FOXP1: variants seen among roughly 807,000 people sequenced by gnomAD.
FOXP1 encodes the protein forkhead box P1, also known as forkhead box protein P1.
FOXP1 carries 15 observed loss-of-function variants against 98.2 expected under a neutral mutation model. That is an observed-to-expected ratio of 0.15 (90% confidence interval 0.10 to 0.24). The LOEUF (loss-of-function observed/expected upper bound fraction) is 0.24, where lower values mean the gene tolerates loss of function less well. Ranked by LOEUF, FOXP1 falls within the 10% of genes least tolerant of loss-of-function variation. The pLI, the probability that FOXP1 is intolerant of heterozygous loss-of-function variation, is 1.00. For synonymous variants in FOXP1, 371 were observed against 314.5 expected (o/e 1.18, Z -1.90); for missense variants, 633 against 848.5 (o/e 0.75, Z 3.15).
chr3:71,261,100 T>C (rs971984126), intron 5 of FOXP1, among the ~76,000 whole-genome samples: 4 of 152,308 alleles, frequency 2.6e-5, no homozygotes, highest in African/African-American at 9.6e-5. Flanking sequence ...GAGCCCCCGA[T>C]AATATAGTTC....
At chr3:71,191,172 G>A (rs918658916) in intron 6 of FOXP1, among the ~76,000 whole-genome samples, 3 of 152,290 alleles carry the variant, frequency 2.0e-5, no homozygotes, top group South Asian at 4.1e-4. Context: ...GTTGATAAAC[G>A]CAAGCCATTG....
At chr3:71,103,182 T>C (rs1325358336) in intron 7 of FOXP1, among the ~76,000 whole-genome samples, 6 of 152,078 alleles carry the variant, frequency 3.9e-5, no homozygotes, top group African/African-American at 1.4e-4. Flanking sequence ...TGAGTAAAGT[T>C]TGAATGAATG....
intron 10 of FOXP1, among the ~76,000 whole-genome samples, chr3:71,044,082 T>C (rs2048707367): frequency 6.6e-6 from 1 of 152,218 alleles, no homozygotes; most frequent in African/African-American, 2.4e-5. Flanking sequence ...CATATATCGT[T>C]AGTGATGTTA....
At chr3:71,502,010 G>C (rs2041414964) in intron 2 of FOXP1, among the ~76,000 whole-genome samples, 1 of 152,224 alleles carries the variant, frequency 6.6e-6, no homozygotes, top group Non-Finnish European at 1.5e-5. Flanking sequence ...AAGGTTGGGA[G>C]GCGTGACGCT....
rs575705461 is a variant in FOXP1 at position 71,381,351 on chromosome 3, C to T, written c.-167-22107G>A. ...ATTTTTAGTAGAGACGGGGTTTTAT[C>T]GTGGTCTCGATCTCCTGACCTCGTG... On this transcript the variant is annotated intron_variant, in intron 3 of 20. Coordinates refer to ENST00000649528, the MANE Select transcript of FOXP1 (RefSeq NM_001349338.3). Among the ~76,000 whole-genome samples, 57 of 151,178 alleles carry T rather than the reference C, an allele frequency of 3.8e-4. 1 individual carries two copies. The highest frequency in any genetic ancestry group is 4.4e-4 in the Non-Finnish European group (30 of 67,802).
chr3:71,024,391 C>T (rs1576249112), intron 11 of FOXP1, among the ~76,000 whole-genome samples: 1 of 152,238 alleles, frequency 6.6e-6, no homozygotes, highest in East Asian at 1.9e-4. Flanking sequence ...AAAACACCAC[C>T]CTACATGTTT....
chr3:71,469,103 C>A (rs1040777334), intron 3 of FOXP1, among the ~76,000 whole-genome samples: 1 of 152,150 alleles, frequency 6.6e-6, no homozygotes, highest in Non-Finnish European at 1.5e-5. Context: ...CACATTTAGA[C>A]TGACTAAGAA....
At chr3:71,392,263 T>G (rs1370640247) in intron 3 of FOXP1, among the ~76,000 whole-genome samples, 3 of 152,178 alleles carry the variant, frequency 2.0e-5, no homozygotes, top group Non-Finnish European at 4.4e-5. Flanking sequence ...TTATTAAACC[T>G]AAGGGTGAAA....
At chr3:71,559,222 G>A (rs2046366543) in intron 2 of FOXP1, among the ~76,000 whole-genome samples, 1 of 152,156 alleles carries the variant, frequency 6.6e-6, no homozygotes, top group African/African-American at 2.4e-5. Flanking sequence ...CTATGCCCCA[G>A]GGCTACCCCC....
In FOXP1 at chr3:71,015,587, G is replaced by A. The variant is rs61753356; in HGVS notation, c.936C>T (p.Gly312=). Residue 312 remains glycine (G), a synonymous_variant, in exon 12 of 21, where the codon GGC becomes GGT. Transcript: ENST00000649528. The stretch of plus-strand genomic sequence containing the variant: ...GGAAATCTTCGCACACTGCTTCACA[G>A]CCTGGCCACTTGCATACACCATGTC... The part of the protein sequence containing the change: ...LYGHGVCKWP[G]CEAVCEDFQS... The A allele has an allele frequency of 2.4e-4, 383 of 1,613,012 alleles. No homozygotes were observed. Among genetic ancestry groups the A allele is most frequent in the Non-Finnish European group, 3.1e-4 (367 of 1,179,260 alleles).
At chr3:71,431,593 G>T (rs942489080) in intron 3 of FOXP1, among the ~76,000 whole-genome samples, 2 of 152,122 alleles carry the variant, frequency 1.3e-5, no homozygotes, top group African/African-American at 2.4e-5. Flanking sequence ...TCAAACCCTG[G>T]TCCATCTGGT....
At chr3:71,581,740 C>T (rs2048185429) in intron 1 of FOXP1, 43 bp from the exon 2 acceptor site, 1 of 985,756 alleles carries the variant, frequency 1.0e-6, no homozygotes, top group Non-Finnish European at 1.2e-6. Flanking sequence ...GCAAGTCTTC[C>T]CCGTGCAGGC....
intron 4 of FOXP1, chr3:71,333,450 C>T (rs2076470225): frequency 6.6e-6 from 1 of 152,158 alleles, no homozygotes; most frequent in South Asian, 2.1e-4. Flanking sequence ...ATTTATCAGA[C>T]ATGTCATTAC....
intron 2 of FOXP1, among the ~76,000 whole-genome samples, chr3:71,521,697 T>C (rs1308588330): frequency 6.6e-6 from 1 of 152,188 alleles, no homozygotes; most frequent in Non-Finnish European, 1.5e-5. Flanking sequence ...CACTTAATAA[T>C]CAAGATTAAG....
At chr3:71,578,452 C>G (rs1298471011) in intron 2 of FOXP1, among the ~76,000 whole-genome samples, 1 of 152,202 alleles carries the variant, frequency 6.6e-6, no homozygotes, top group Non-Finnish European at 1.5e-5. Flanking sequence ...GGCATTCCCA[C>G]TGAAATGTGA....
chr3:71,112,505 A>AG, intron 7 of FOXP1, 31 bp downstream of exon 7: 1 of 1,506,520 alleles, frequency 6.6e-7, no homozygotes, highest in South Asian at 1.1e-5. Flanking sequence ...AAAGGGTATA[A>AG]TGTCAATTTA....
chr3:70,975,324 C>T (rs2037270709), intron 17 of FOXP1, among the ~76,000 whole-genome samples: 1 of 152,146 alleles, frequency 6.6e-6, no homozygotes, highest in Non-Finnish European at 1.5e-5. Context: ...TCTTCCAAGG[C>T]AGGCTGAGGC....
chr3:71,287,010 T>C (rs555292122), intron 5 of FOXP1, among the ~76,000 whole-genome samples: 2 of 152,104 alleles, frequency 1.3e-5, no homozygotes, highest in African/African-American at 2.4e-5. Flanking sequence ...GTTGCAGGTA[T>C]AGAAAACACA....
intron 5 of FOXP1, among the ~76,000 whole-genome samples, chr3:71,242,434 T>C (rs543713586): frequency 7.2e-5 from 11 of 152,284 alleles, no homozygotes; most frequent in Admixed American, 5.9e-4. Context: ...CTAGGGAAGT[T>C]TGCTCTTCCA....
Sources: allele counts gnomAD v4.1 joint callset (sites outside exome capture counted in the v4.1 genomes callset), GRCh38; gene constraint gnomAD v4.1.1; transcripts MANE v1.5; gene names NCBI Gene and HGNC (gene_info 2026-07-23, HGNC 2026-07-21).